Variants in ADGRV1 observed in about 807,000 individuals in gnomAD.
ADGRV1 encodes G-protein coupled receptor 98.
In ADGRV1, 359 loss-of-function variants were observed where a neutral mutation model predicts 596.2. That is an observed-to-expected ratio of 0.60 (90% CI 0.55 to 0.66). ADGRV1 has a LOEUF of 0.66. Among genes scored for constraint, ADGRV1 ranks in the 30% least tolerant of loss-of-function variants. ADGRV1 has a pLI of 0.00. For missense variants in ADGRV1, 7,274 were observed against 7,575.6 expected, an observed-to-expected ratio of 0.96 and a Z score of 1.48; for synonymous variants, 2,681 against 2,679.2, an observed-to-expected ratio of 1.00 and a Z score of -0.02.
chr5:90,730,690 G>T (rs951650602), intron 50 of ADGRV1, among the ~76,000 whole-genome samples: 5 of 152,274 alleles, frequency 3.3e-5, no homozygotes, highest in African/African-American at 1.2e-4. Context: ...AATCCCTTGG[G>T]TGGGCCAGTG....
chr5:91,035,209 C>T (rs145772688), intron 85 of ADGRV1, among the ~76,000 whole-genome samples: 414 of 152,254 alleles, frequency 2.7e-3, no homozygotes, highest in African/African-American at 9.6e-3. Flanking sequence ...GTCCTTAATT[C>T]TCACTGCCTC....
intron 85 of ADGRV1, among the ~76,000 whole-genome samples, chr5:91,041,619 A>C (rs1785362316): frequency 6.6e-6 from 1 of 151,880 alleles, no homozygotes; most frequent in Non-Finnish European, 1.5e-5. Context: ...CATGTACCCC[A>C]GAACCTAAAG....
rs190683958 is a variant in ADGRV1 at position 90,677,027 on chromosome 5, G to T, written c.5443+818G>T. Among the ~76,000 whole-genome samples the T allele has an allele frequency of 4.1e-3, 619 of 152,240 alleles. 3 individuals are homozygous for T. Among genetic ancestry groups the T allele is most frequent in the African/African-American group, 0.014 (592 of 41,554 alleles). On this transcript the variant is annotated intron_variant, in intron 25 of 89. Coordinates refer to ENST00000405460, the MANE Select transcript of ADGRV1 (RefSeq NM_032119.4). ...GTGTTTATCAGGTGCTACTGGGAGTGTTATGGAATACATACGATATGCATT... is the reference window on the plus strand; with the variant it reads ...GTGTTTATCAGGTGCTACTGGGAGTTTTATGGAATACATACGATATGCATT...
intron 84 of ADGRV1, among the ~76,000 whole-genome samples, chr5:90,970,305 A>G (rs1004269113): frequency 6.6e-6 from 1 of 152,204 alleles, no homozygotes; most frequent in Non-Finnish European, 1.5e-5. Context: ...GGGGCAGGGC[A>G]TAGCCAAACA....
At chr5:91,084,713 G>A (rs2126532200) in intron 86 of ADGRV1, among the ~76,000 whole-genome samples, 1 of 152,284 alleles carries the variant, frequency 6.6e-6, no homozygotes. Context: ...ATTTGACCCA[G>A]CGATCCCATT....
At chr5:90,640,503 T>C (rs1257951380) in intron 11 of ADGRV1, among the ~76,000 whole-genome samples, 1 of 152,162 alleles carries the variant, frequency 6.6e-6, no homozygotes, top group Non-Finnish European at 1.5e-5. Flanking sequence ...CTGCTGTGGT[T>C]TGTGAGCCTG....
intron 69 of ADGRV1, 45 bp from the exon 70 acceptor site, chr5:90,790,828 A>T: frequency 7.8e-7 from 1 of 1,277,502 alleles, no homozygotes. Flanking sequence ...TTGGTGCAAT[A>T]TACTGAATTA....
intron 83 of ADGRV1, among the ~76,000 whole-genome samples, chr5:90,898,294 C>G (rs953293151): frequency 6.6e-6 from 1 of 152,140 alleles, no homozygotes. Flanking sequence ...ACATGAGTCT[C>G]GAATGACCTT....
chr5:90,781,698 A>G lies in ADGRV1; in HGVS notation c.13231+120A>G, dbSNP rs184366392. The stretch of plus-strand genomic sequence containing the variant: ...TGGGTGTGTGTGTTTGTGTTTACAC[A>G]TATACACTTTTATATTTATTTACTT... On this transcript the variant is annotated intron_variant, in intron 65 of 89. Transcript: ENST00000405460. 762 of 844,686 alleles carry G rather than the reference A, an allele frequency of 9.0e-4. 16 individuals are homozygous for G. The East Asian group carries it at 0.02, about 22-fold the overall frequency. The allele number at this position is 844,686 out of a possible 1,614,324, so 52.3% of individuals were successfully genotyped here. A position where few individuals can be genotyped will look rare whatever the true frequency, so the allele number is the denominator to read the frequency against.
intron 83 of ADGRV1, among the ~76,000 whole-genome samples, chr5:90,930,836 A>G (rs982547092): frequency 4.6e-5 from 7 of 152,206 alleles, no homozygotes; most frequent in African/African-American, 1.4e-4. Context: ...GAGAGCCTGC[A>G]TAATATAGAA....
At position 90,784,040 on chromosome 5, in the gene ADGRV1, C is replaced by A. The variant is rs1759158243; in HGVS notation, c.13636C>A (p.Leu4546Ile). 6.2e-7 allele frequency: 1 copy of A among 1,609,778 alleles called. No homozygotes were observed. Among genetic ancestry groups the A allele is most frequent in the Non-Finnish European group, 8.5e-7 (1 of 1,177,206 alleles). The change falls in exon 67 of 90, where the codon CTC becomes ATC. Residue 4546 changes from leucine (L) to isoleucine (I), a missense_variant. Physicochemically the swap from Leu to Ile is conservative, Grantham distance 5 (BLOSUM62 2). Coordinates refer to ENST00000405460, the MANE Select transcript of ADGRV1 (RefSeq NM_032119.4). ...LSLVLERTGG[L>I]LGEIQVNWET... ...ACTGGTGCTGGAGCGGACTGGAGGA[C>A]TCTTGGGAGAGATTCAGGTAGATTT...
At chr5:91,076,600 T>G (rs1169083234) in intron 86 of ADGRV1, among the ~76,000 whole-genome samples, 1 of 152,176 alleles carries the variant, frequency 6.6e-6, no homozygotes. Context: ...AACTGTAATA[T>G]TATCAAAGTA....
At chr5:90,613,375 C>T (rs1052660392) in intron 1 of ADGRV1, among the ~76,000 whole-genome samples, 1 of 152,116 alleles carries the variant, frequency 6.6e-6, no homozygotes, top group Non-Finnish European at 1.5e-5. Context: ...AAAAGACCTT[C>T]ACCTGGCTTT....
intron 87 of ADGRV1, among the ~76,000 whole-genome samples, chr5:91,132,598 A>G (rs1041062618): frequency 1.3e-5 from 2 of 152,226 alleles, no homozygotes; most frequent in African/African-American, 4.8e-5. Flanking sequence ...CTACAAGAGA[A>G]CAGTATGGGG....
In ADGRV1 at chr5:90,846,062, A is replaced by G. The variant is rs1182519722; in HGVS notation, c.17020-2575A>G. Among the ~76,000 whole-genome samples the G allele has an allele frequency of 2.0e-5, 3 of 152,210 alleles. No individual in the cohort carries two copies. In the East Asian group the frequency reaches 5.8e-4, roughly 29 times the overall value. On this transcript the variant is annotated intron_variant, in intron 78 of 89. Transcript: ENST00000405460. ...AGCTCTACCATGAGCTTGGAACTGT[A>G]CTAGATTACAAAGTCATAAAAAAAT...
At chr5:91,153,769 G>A (rs1253337171) in intron 89 of ADGRV1, among the ~76,000 whole-genome samples, 5 of 152,340 alleles carry the variant, frequency 3.3e-5, no homozygotes, top group Admixed American at 2.0e-4. Context: ...TGCCTTTGAA[G>A]CAGAAACTTT....
At chr5:90,840,138 TCTACTTCTGCTTTCCTCCC>T (rs1765305193) in intron 77 of ADGRV1, among the ~76,000 whole-genome samples, 1 of 152,204 alleles carries the variant, frequency 6.6e-6, no homozygotes, top group Non-Finnish European at 1.5e-5. Flanking sequence ...ACCAATTTCT[TCTACTTCTGCTTTCCTCCC>T]CTCTGCCTTC....
rs776379888 is a variant in ADGRV1, at chr5:90,725,622, T to A, written c.10127T>A (p.Ile3376Asn). 2 of 1,582,310 alleles carry A rather than the reference T, an allele frequency of 1.3e-6. No homozygotes were observed. The highest frequency in any genetic ancestry group is 1.7e-6 in the Non-Finnish European group (2 of 1,153,352). ...FTSDSQDYLI[I>N]ASQRDDSELT... ...TCAGACAGCCAAGATTATTTAATCA[T>A]TGCAAGTCAAAGAGATGATTCCGAA... The change falls in exon 48 of 90, where the codon ATT becomes AAT. Residue 3376 changes from isoleucine (I) to asparagine (N), a missense_variant. Ile to Asn is a moderately radical substitution (Grantham distance 149). Coordinates refer to ENST00000405460, the MANE Select transcript of ADGRV1 (RefSeq NM_032119.4).
chr5:90,605,778 A>T (rs984229769), intron 1 of ADGRV1, among the ~76,000 whole-genome samples: 1 of 152,230 alleles, frequency 6.6e-6, no homozygotes, highest in East Asian at 1.9e-4. Context: ...CAAAATATTT[A>T]CAAGAAAATT....
Sources: gnomAD v4.1 joint callset for allele counts (sites outside exome capture counted in the v4.1 genomes callset) on GRCh38, gnomAD v4.1.1 for gene constraint, MANE v1.5 for transcripts, NCBI Gene and HGNC (gene_info 2026-07-23, HGNC 2026-07-21) for gene names.